Variants in BICD1 observed in about 807,000 individuals in gnomAD.
BICD1 encodes protein bicaudal D homolog 1.
A neutral mutation model predicts 92.5 loss-of-function variants in BICD1; 35 were observed. The ratio of observed to expected loss-of-function variants is 0.38; its 90% CI spans 0.29 to 0.50. BICD1 has a LOEUF of 0.50. Among genes scored for constraint, BICD1 ranks in the 20% least tolerant of loss-of-function variants. BICD1 has a pLI of 0.93. For missense variants in BICD1, 950 were observed against 1,189.8 expected, an observed-to-expected ratio of 0.80 and a Z score of 2.97; for synonymous variants, 429 against 465.1, an observed-to-expected ratio of 0.92 and a Z score of 1.00.
At chr12:32,329,145 T>C (rs771259185) in intron 5 of BICD1, among the ~76,000 whole-genome samples, 3 of 152,120 alleles carry the variant, frequency 2.0e-5, no homozygotes, top group Non-Finnish European at 2.9e-5. Context: ...CGCTCTGTTG[T>C]CCAGGCTGGA....
At chr12:32,130,469 G>C (rs554832950) in intron 1 of BICD1, among the ~76,000 whole-genome samples, 1 of 152,328 alleles carries the variant, frequency 6.6e-6, no homozygotes, top group Admixed American at 6.5e-5. Context: ...GGGATTACAG[G>C]CGTGAGCCAC....
chr12:32,184,577 G>A (rs369970469), intron 1 of BICD1, among the ~76,000 whole-genome samples: 4 of 152,124 alleles, frequency 2.6e-5, no homozygotes, highest in Admixed American at 6.5e-5. Context: ...GAGCCACCGC[G>A]CCCGGCCAAA....
chr12:32,221,658 C>T (rs261882), intron 2 of BICD1, among the ~76,000 whole-genome samples: 51,610 of 151,252 alleles, frequency 0.34, 9,023 homozygotes, highest in Non-Finnish European at 0.39. Flanking sequence ...TCCAGCCTGG[C>T]GACAGAGCGA....
At chr12:32,320,535 G>C (rs982381412) in intron 4 of BICD1, among the ~76,000 whole-genome samples, 1 of 152,082 alleles carries the variant, frequency 6.6e-6, no homozygotes, top group Non-Finnish European at 1.5e-5. Flanking sequence ...CCAGCTACTC[G>C]GGAGGCTGAG....
intron 1 of BICD1, among the ~76,000 whole-genome samples, chr12:32,146,835 CTTCCTTCCTTCCTTCT>C (rs1294738879): frequency 7.1e-6 from 1 of 141,406 alleles, no homozygotes; most frequent in East Asian, 2.2e-4. Context: ...CCCTCCCTCC[CTTCCTTCCTTCCTTCT>C]CCTCCTCCTT....
rs145463099 is a variant in BICD1 at position 32,128,065 on chromosome 12, G to A, written c.213+20521G>A. On this transcript the variant is annotated intron_variant, in intron 1 of 9. Coordinates refer to ENST00000652176, the MANE Select transcript of BICD1 (RefSeq NM_001714.4). ...ATTACAGGTGCATGCCACCACACCC[G>A]GCTAATTTTTGTATTTTTAGTAGAG... Among the ~76,000 whole-genome samples, 80 of 152,102 alleles carry A rather than the reference G, an allele frequency of 5.3e-4. 3 individuals are homozygous for A. In the South Asian group the frequency reaches 9.1e-3, roughly 17 times the overall value.
intron 2 of BICD1, among the ~76,000 whole-genome samples, chr12:32,230,712 G>A (rs982631718): frequency 6.6e-6 from 1 of 152,206 alleles, no homozygotes; most frequent in African/African-American, 2.4e-5. Flanking sequence ...AGCGGCGTCT[G>A]TCTCACCTCA....
At chr12:32,132,834 G>T (rs193028) in intron 1 of BICD1, among the ~76,000 whole-genome samples, 3 of 152,200 alleles carry the variant, frequency 2.0e-5, no homozygotes, top group Admixed American at 6.5e-5. Context: ...ATTCCTTGCA[G>T]ACAGTGGAAG....
chr12:32,132,886 A>C (rs1278838062), intron 1 of BICD1, among the ~76,000 whole-genome samples: 1 of 152,190 alleles, frequency 6.6e-6, no homozygotes, highest in Non-Finnish European at 1.5e-5. Flanking sequence ...TTCAGGTAAG[A>C]GATGATGGTG....
rs569539222 is a variant in BICD1 at position 32,124,410 on chromosome 12, A to G, written c.213+16866A>G. Among the ~76,000 whole-genome samples the G allele has an allele frequency of 5.3e-5, 8 of 152,330 alleles. No homozygotes were observed. In the East Asian group the frequency reaches 1.2e-3, roughly 22 times the overall value. ...TTAGCAGCTATGTGACCTTAGGCCA[A>G]TATTTGAAATGATGTGAACGTTGGT... On this transcript the variant is annotated intron_variant, in intron 1 of 9. Transcript: ENST00000652176.
intron 2 of BICD1, among the ~76,000 whole-genome samples, chr12:32,265,585 C>T (rs1209127938): frequency 6.7e-6 from 1 of 150,286 alleles, no homozygotes; most frequent in Non-Finnish European, 1.5e-5. Context: ...GGCACAGTGT[C>T]GCATGCCTCT....
intron 2 of BICD1, among the ~76,000 whole-genome samples, chr12:32,252,176 T>G (rs1216557421): frequency 8.6e-6 from 1 of 115,670 alleles, no homozygotes; most frequent in African/African-American, 3.3e-5. Context: ...ATAATAAATA[T>G]TATATAATAT....
rs535189097 is a variant in BICD1 at position 32,230,399 on chromosome 12, CAAATAAATAAAT to C, written c.426+13975_426+13986del. Among the ~76,000 whole-genome samples the C allele has an allele frequency of 8.6e-3, 1,151 of 133,290 alleles. 7 individuals are homozygous for C. The highest frequency in any genetic ancestry group is 0.019 in the East Asian group (88 of 4,712). The allele number at this position is 133,290 out of a possible 152,430, so 87.4% of individuals were successfully genotyped here. On this transcript the variant is annotated intron_variant, in intron 2 of 9. Coordinates refer to ENST00000652176, the MANE Select transcript of BICD1 (RefSeq NM_001714.4). ...TAGGCAACAGAATGAGACCCTGTCT[CAAATAAATAAAT>C]AAATAAATAAATAAATAAATAAATA...
rs746466376 is a variant in BICD1, at chr12:32,338,870, T to A, written c.2655T>A (p.Pro885=). The A allele has an allele frequency of 6.2e-7, 1 of 1,607,954 alleles. No homozygotes were observed. The highest frequency in any genetic ancestry group is 1.7e-5 in the Admixed American group (1 of 58,910). ...SYLQNLLRVP[P]DPTSTESFLL... is the part of the protein sequence containing the mutation. ...TACAGAATTTATTAAGAGTTCCCCC[T>A]GATCCCACCTCCACAGAATCATTTC... The change falls in exon 8 of 10, where the codon CCT becomes CCA. Residue 885 remains proline (P), a synonymous_variant. Coordinates refer to ENST00000652176, the MANE Select transcript of BICD1 (RefSeq NM_001714.4).
At chr12:32,208,607 A>G (rs1945128394) in intron 1 of BICD1, among the ~76,000 whole-genome samples, 1 of 152,142 alleles carries the variant, frequency 6.6e-6, no homozygotes, top group African/African-American at 2.4e-5. Context: ...CATACGCATC[A>G]TGGAAACTGG....
At chr12:32,352,975 A>G (rs1263771546) in intron 8 of BICD1, 2 of 152,220 alleles carry the variant, frequency 1.3e-5, no homozygotes, top group Admixed American at 6.5e-5. Context: ...TTAAAAGACT[A>G]GTTCTGAGGT....
At position 32,348,723 on chromosome 12, in the gene BICD1, AATATATATATATATATATAT is replaced by A. The variant is rs11272207; in HGVS notation, c.2764+9781_2764+9800del. Among the ~76,000 whole-genome samples the A allele has an allele frequency of 1.3e-3, 149 of 117,992 alleles. 3 individuals are homozygous for A. The highest frequency in any genetic ancestry group is 6.2e-3 in the East Asian group (22 of 3,542). The allele number at this position is 117,992 out of a possible 152,430, so 77.4% of individuals were successfully genotyped here. The stretch of plus-strand genomic sequence containing the variant: ...AATGATGCTTTCTAGCTCACACAAA[AATATATATATATATATATAT>A]ATATATATATATATATATATATATA... On this transcript the variant is annotated intron_variant, in intron 8 of 9. Transcript: ENST00000652176.
chr12:32,288,202 C>G (rs2136183662), intron 2 of BICD1, among the ~76,000 whole-genome samples: 1 of 150,904 alleles, frequency 6.6e-6, no homozygotes, highest in South Asian at 2.1e-4. Flanking sequence ...AATATACTTA[C>G]CTGTCACCTA....
At chr12:32,113,121 G>T (rs1203005914) in intron 1 of BICD1, among the ~76,000 whole-genome samples, 1 of 152,148 alleles carries the variant, frequency 6.6e-6, no homozygotes, top group Admixed American at 6.5e-5. Context: ...AGTATAGAAG[G>T]TTATGGTGAT....
Sources: allele counts gnomAD v4.1 joint callset (sites outside exome capture counted in the v4.1 genomes callset), GRCh38; gene constraint gnomAD v4.1.1; transcripts MANE v1.5; gene names NCBI Gene and HGNC (gene_info 2026-07-23, HGNC 2026-07-21).